LEPR: variants seen among roughly 807,000 people sequenced by gnomAD.
LEPR encodes leptin receptor.
In LEPR, 56 loss-of-function variants were observed where a neutral mutation model predicts 114.7. The observed-to-expected ratio is 0.49, with a 90% confidence interval of 0.39 to 0.61. The LOEUF (loss-of-function observed/expected upper bound fraction) is 0.61, where lower values mean the gene tolerates loss of function less well. LEPR is among the 20% of genes least tolerant of loss of function. The pLI is 0.00. For missense variants in LEPR, 1,202 were observed against 1,352.9 expected (o/e 0.89, Z 1.75); for synonymous variants, 443 against 461.4 (o/e 0.96, Z 0.51).
At chr1:65,435,187 T>C in intron 2 of LEPR, 1 of 985,430 alleles carries the variant, frequency 1.0e-6, no homozygotes, top group Non-Finnish European at 1.2e-6. Flanking sequence ...CATAGTTGTT[T>C]CTTTTCTTCC....
intron 2 of LEPR, among the ~76,000 whole-genome samples, chr1:65,501,027 A>G (rs970672533): frequency 6.6e-6 from 1 of 152,150 alleles, no homozygotes; most frequent in Non-Finnish European, 1.5e-5. Context: ...TGATTTAGAT[A>G]TGATTTAACC....
intron 2 of LEPR, among the ~76,000 whole-genome samples, chr1:65,521,158 G>T (rs184606122): frequency 2.0e-5 from 3 of 152,330 alleles, no homozygotes; most frequent in African/African-American, 7.2e-5. Flanking sequence ...TGTTAGCTCT[G>T]TTTAGAAATA....
chr1:65,533,824 G>A (rs1650570840), intron 2 of LEPR, among the ~76,000 whole-genome samples: 2 of 152,036 alleles, frequency 1.3e-5, no homozygotes, highest in South Asian at 4.1e-4. Context: ...GATTTCTAAT[G>A]TTTCTTTTTG....
At chr1:65,426,975 C>T (rs1009084092) in intron 2 of LEPR, among the ~76,000 whole-genome samples, 11 of 149,140 alleles carry the variant, frequency 7.4e-5, no homozygotes, top group East Asian at 2.0e-4. Context: ...TCTAGCCTGG[C>T]GACAGAGCAA....
intron 2 of LEPR, among the ~76,000 whole-genome samples, chr1:65,465,989 C>T (rs147123854): frequency 0.074 from 11,181 of 152,112 alleles, 498 homozygotes; most frequent in African/African-American, 0.12. Context: ...AATTTGCCAG[C>T]CTGTGTCTTT....
Position 65,640,297 on chromosome 1 carries a change from A to G in LEPR, c.*3282A>G, listed in dbSNP as rs1658826546. Reference sequence around the variant, plus strand: ...GCAACCACAAAGTTCCATCTCACTTAGATGTGGATGAAAAAAGATCTCTTG... The same window carrying G: ...GCAACCACAAAGTTCCATCTCACTTGGATGTGGATGAAAAAAGATCTCTTG... On this transcript the variant is annotated 3_prime_UTR_variant, in exon 20 of 20. Coordinates refer to ENST00000349533, the MANE Select transcript of LEPR (RefSeq NM_002303.6). 6.6e-6 allele frequency: 1 copy of G among 152,190 alleles called. No individual in the cohort carries two copies. The highest frequency in any genetic ancestry group is 2.1e-4 in the South Asian group (1 of 4,824). The allele number at this position is 152,190 out of a possible 1,614,324, so 9.4% of individuals were successfully genotyped here.
At chr1:65,505,043 G>T (rs1321967736) in intron 2 of LEPR, among the ~76,000 whole-genome samples, 1 of 152,162 alleles carries the variant, frequency 6.6e-6, no homozygotes, top group African/African-American at 2.4e-5. Flanking sequence ...GGAAACCTCT[G>T]TAGTAGAAGT....
chr1:65,438,113 C>CTTTTTTTTTTT (rs36053447), intron 2 of LEPR, among the ~76,000 whole-genome samples: 2 of 87,776 alleles, frequency 2.3e-5, no homozygotes, highest in Non-Finnish European at 4.1e-5. Flanking sequence ...TCCTAGCCGC[C>CTTTTTTTTTTT]TTTTTTTTTT....
intron 2 of LEPR, among the ~76,000 whole-genome samples, chr1:65,540,140 A>C (rs961622187): frequency 5.3e-5 from 8 of 152,126 alleles, no homozygotes; most frequent in Non-Finnish European, 1.2e-4. Flanking sequence ...TGCAGACCAA[A>C]ATGGCCTCTC....
chr1:65,544,882 T>G (rs1651546672), intron 2 of LEPR, among the ~76,000 whole-genome samples: 1 of 150,984 alleles, frequency 6.6e-6, no homozygotes, highest in Non-Finnish European at 1.5e-5. Flanking sequence ...TGTATACATG[T>G]GCCATGCTGG....
chr1:65,536,890 A>G (rs947206663), intron 2 of LEPR, among the ~76,000 whole-genome samples: 15 of 150,914 alleles, frequency 9.9e-5, no homozygotes, highest in African/African-American at 3.4e-4. Context: ...TAAGATGTCA[A>G]TATCGGGTTT....
Position 65,605,045 on chromosome 1 carries a change from C to G in LEPR, c.1411C>G (p.Leu471Val), listed in dbSNP as rs143319015. ...TLQLRYHRSS[L>V]YCSDIPSIHP... is the part of the protein sequence containing the mutation. Reference sequence around the variant, plus strand: ...TTTTTGTATCTTTTAAAGGAGCAGCCTTTACTGTTCTGATATTCCATCTAT... The same window carrying G: ...TTTTTGTATCTTTTAAAGGAGCAGCGTTTACTGTTCTGATATTCCATCTAT... Residue 471 changes from leucine (L) to valine (V), a missense_variant, in exon 11 of 20, where the codon CTT (leucine) becomes GTT (valine). Coordinates refer to ENST00000349533, the MANE Select transcript of LEPR (RefSeq NM_002303.6). 6.2e-7 allele frequency: 1 copy of G among 1,612,834 alleles called. No homozygotes were observed. Among genetic ancestry groups the G allele is most frequent in the Non-Finnish European group, 8.5e-7 (1 of 1,179,994 alleles).
intron 2 of LEPR, among the ~76,000 whole-genome samples, chr1:65,477,176 C>T (rs1353239640): frequency 2.0e-5 from 3 of 152,162 alleles, no homozygotes; most frequent in Non-Finnish European, 4.4e-5. Context: ...CATTCCCTGT[C>T]CTCATTACTG....
chr1:65,457,474 C>G (rs4655811), intron 2 of LEPR, among the ~76,000 whole-genome samples: 105,566 of 151,974 alleles, frequency 0.69, 38,084 homozygotes, highest in African/African-American at 0.84. Flanking sequence ...GCCACGTTCA[C>G]TCTACTAATA....
intron 5 of LEPR, among the ~76,000 whole-genome samples, chr1:65,579,782 A>AT (rs906593000): frequency 2.8e-4 from 43 of 152,072 alleles, no homozygotes; most frequent in Non-Finnish European, 4.7e-4. Flanking sequence ...ATGATGAGGT[A>AT]TTTTTCTGAA....
At chr1:65,448,546 G>A (rs1337119128) in intron 2 of LEPR, among the ~76,000 whole-genome samples, 1 of 152,186 alleles carries the variant, frequency 6.6e-6, no homozygotes, top group Admixed American at 6.5e-5. Context: ...AATGAGTGGG[G>A]AAGTATTCCC....
Position 65,567,897 on chromosome 1 carries a change from C to G in LEPR, c.40+2292C>G, listed in dbSNP as rs537981078. Among the ~76,000 whole-genome samples, 32 of 148,798 alleles carry G rather than the reference C, an allele frequency of 2.2e-4. 1 individual carries two copies. In the South Asian group the frequency reaches 6.7e-3, roughly 31 times the overall value. ...GGTACATTTGTCACAATTGATGAAC[C>G]CATACTGACATATCATTGTCACTCA... is the stretch of plus-strand genomic sequence containing the variant. On this transcript the variant is annotated intron_variant, in intron 3 of 19. Coordinates refer to ENST00000349533, the MANE Select transcript of LEPR (RefSeq NM_002303.6).
chr1:65,497,379 A>G (rs1385764501), intron 2 of LEPR, among the ~76,000 whole-genome samples: 1 of 152,148 alleles, frequency 6.6e-6, no homozygotes, highest in East Asian at 1.9e-4. Context: ...TTCTTATTCC[A>G]CATGACAGCT....
chr1:65,430,678 A>T (rs1214493556), intron 2 of LEPR, among the ~76,000 whole-genome samples: 1 of 151,810 alleles, frequency 6.6e-6, no homozygotes, highest in Non-Finnish European at 1.5e-5. Context: ...AATATCAGAT[A>T]AGCGCAAGTC....
Sources: gnomAD v4.1 joint callset for allele counts (sites outside exome capture counted in the v4.1 genomes callset) on GRCh38, gnomAD v4.1.1 for gene constraint, MANE v1.5 for transcripts, NCBI Gene and HGNC (gene_info 2026-07-23, HGNC 2026-07-21) for gene names.